The following THADA variants were observed in gnomAD, a reference collection of about 807,000 sequenced individuals.
THADA encodes the protein tRNA (32-2'-O)-methyltransferase regulator THADA.
A neutral mutation model predicts 219.8 loss-of-function variants in THADA; 213 were observed. That is an observed-to-expected ratio of 0.97 (90% CI 0.87 to 1.09). The LOEUF is 1.09. Among genes scored for constraint, THADA ranks in the 50% least tolerant of loss-of-function variants. The pLI is 0.00. For synonymous variants in THADA, 1,018 were observed against 828.9 expected (o/e 1.23, Z -3.92); for missense variants, 2,956 against 2,311.3 (o/e 1.28, Z -5.72).
intron 34 of THADA, 80 bp downstream of exon 34, chr2:43,291,616 T>G: frequency 1.8e-6 from 2 of 1,088,678 alleles, no homozygotes; most frequent in Non-Finnish European, 1.3e-6. Flanking sequence ...CTGCTAAGAC[T>G]GTTCACTTTT....
intron 31 of THADA, among the ~76,000 whole-genome samples, chr2:43,304,954 G>A (rs1027910253): frequency 3.3e-5 from 5 of 152,202 alleles, no homozygotes; most frequent in Non-Finnish European, 5.9e-5. Context: ...TTACAGGCAT[G>A]AGCCACTGTG....
At chr2:43,573,314 G>A (rs1272023637) in intron 11 of THADA, among the ~76,000 whole-genome samples, 1 of 152,136 alleles carries the variant, frequency 6.6e-6, no homozygotes, top group Non-Finnish European at 1.5e-5. Flanking sequence ...AAATCAGGTG[G>A]AGAAATAAGC....
chr2:43,485,606 G>A (rs535874062), intron 25 of THADA, among the ~76,000 whole-genome samples: 1 of 152,030 alleles, frequency 6.6e-6, no homozygotes, highest in Non-Finnish European at 1.5e-5. Flanking sequence ...TGCACTTAGA[G>A]CATCAAATAA....
chr2:43,461,768 T>C (rs1683670726), intron 26 of THADA, among the ~76,000 whole-genome samples: 1 of 152,222 alleles, frequency 6.6e-6, no homozygotes, highest in Non-Finnish European at 1.5e-5. Context: ...CCTCCTTGCT[T>C]CTCTGGCCTG....
chr2:43,438,396 T>C (rs1680417442), intron 26 of THADA, among the ~76,000 whole-genome samples: 1 of 151,636 alleles, frequency 6.6e-6, no homozygotes, highest in Non-Finnish European at 1.5e-5. Context: ...ACGTATTGAA[T>C]CTTTCAGAAT....
chr2:43,506,918 G>C (rs1689745942), intron 23 of THADA, among the ~76,000 whole-genome samples: 1 of 152,128 alleles, frequency 6.6e-6, no homozygotes, highest in Non-Finnish European at 1.5e-5. Context: ...GTTTGATTTA[G>C]AAGAAATTTC....
At chr2:43,491,154 G>C (rs1379698749) in intron 25 of THADA, among the ~76,000 whole-genome samples, 1 of 152,110 alleles carries the variant, frequency 6.6e-6, no homozygotes, top group Non-Finnish European at 1.5e-5. Flanking sequence ...TATAAATAAA[G>C]CTAACAAGGA....
intron 9 of THADA, 119 bp downstream of exon 9, chr2:43,578,394 G>T (rs1574343073): frequency 1.7e-5 from 10 of 597,834 alleles, no homozygotes; most frequent in South Asian, 1.4e-4. Context: ...TGACCCTCCT[G>T]CCCTGGCCTC....
chr2:43,484,437 C>T (rs1259269450), intron 26 of THADA: 1 of 169,104 alleles, frequency 5.9e-6, no homozygotes, highest in Non-Finnish European at 1.5e-5. Flanking sequence ...AGAAAGACCA[C>T]TGGGCCAAAC....
At chr2:43,241,130 C>T (rs946552164) in intron 36 of THADA, among the ~76,000 whole-genome samples, 2 of 152,040 alleles carry the variant, frequency 1.3e-5, no homozygotes, top group Non-Finnish European at 2.9e-5. Context: ...CTCACTCTGT[C>T]GCCCAGGCTA....
intron 36 of THADA, among the ~76,000 whole-genome samples, chr2:43,249,126 C>T (rs1572767963): frequency 6.6e-6 from 1 of 152,112 alleles, no homozygotes. Context: ...CTATGTTGCC[C>T]AGGCTGGGTG....
At chr2:43,255,897 C>G (rs1670257346) in intron 36 of THADA, among the ~76,000 whole-genome samples, 1 of 152,164 alleles carries the variant, frequency 6.6e-6, no homozygotes, top group African/African-American at 2.4e-5. Flanking sequence ...CAACTACAGC[C>G]ATTTGACGTG....
intron 31 of THADA, among the ~76,000 whole-genome samples, chr2:43,316,492 T>C (rs1452467529): frequency 1.3e-5 from 2 of 152,232 alleles, no homozygotes; most frequent in Non-Finnish European, 2.9e-5. Flanking sequence ...AGGTATGTTA[T>C]ACTGCAGTGT....
chr2:43,278,054 G>C (rs1672927349), intron 36 of THADA, among the ~76,000 whole-genome samples: 1 of 151,088 alleles, frequency 6.6e-6, no homozygotes, highest in African/African-American at 2.4e-5. Flanking sequence ...GGGTTCAAGA[G>C]ATTCTTCTGC....
At chr2:43,476,627 T>G (rs1024045015) in intron 26 of THADA, among the ~76,000 whole-genome samples, 1 of 152,224 alleles carries the variant, frequency 6.6e-6, no homozygotes, top group Non-Finnish European at 1.5e-5. Context: ...GGATTAGGAA[T>G]GACAACAACA....
intron 29 of THADA, among the ~76,000 whole-genome samples, chr2:43,351,241 T>C (rs1156440059): frequency 6.6e-6 from 1 of 152,202 alleles, no homozygotes; most frequent in Non-Finnish European, 1.5e-5. Context: ...TTCAACCTCC[T>C]AAAGAATGTG....
At chr2:43,503,434 A>G (rs193124089) in intron 24 of THADA, among the ~76,000 whole-genome samples, 10 of 152,328 alleles carry the variant, frequency 6.6e-5, no homozygotes, top group Admixed American at 5.2e-4. Context: ...GCAAAGTATA[A>G]AAAGTGTCGA....
At chr2:43,340,948 G>A (rs888810884) in intron 30 of THADA, among the ~76,000 whole-genome samples, 1 of 152,132 alleles carries the variant, frequency 6.6e-6, no homozygotes, top group Non-Finnish European at 1.5e-5. Flanking sequence ...TGACACCGAG[G>A]CTTCATCACT....
intron 15 of THADA, 94 bp from the exon 16 acceptor site, chr2:43,560,479 C>CA (rs529224993): frequency 3.1e-5 from 27 of 858,592 alleles, no homozygotes; most frequent in Non-Finnish European, 4.4e-5. Flanking sequence ...AAATAAGTAC[C>CA]AAAAAACCAC....
Sources: gnomAD v4.1 joint callset for allele counts (sites outside exome capture counted in the v4.1 genomes callset) on GRCh38, gnomAD v4.1.1 for gene constraint, MANE v1.5 for transcripts, NCBI Gene and HGNC (gene_info 2026-07-23, HGNC 2026-07-21) for gene names.